SYTL2: variants seen among roughly 807,000 people sequenced by gnomAD.
SYTL2 encodes synaptotagmin like 2.
A neutral mutation model predicts 198.7 loss-of-function variants in SYTL2; 165 were observed. That is an observed-to-expected ratio of 0.83 (90% CI 0.73 to 0.94). The LOEUF is 0.94. SYTL2 is among the 40% of genes least tolerant of loss of function. The pLI is 0.00. For missense variants in SYTL2, 2,835 were observed against 2,582.8 expected, an observed-to-expected ratio of 1.10 and a Z score of -2.12; for synonymous variants, 966 against 917.7, an observed-to-expected ratio of 1.05 and a Z score of -0.95.
the SYTL2 span, among the ~76,000 whole-genome samples, chr11:85,846,188 G>A: frequency 2.6e-5 from 4 of 152,292 alleles, no homozygotes; most frequent in African/African-American, 7.2e-5. Flanking sequence ...TTGTCTCATA[G>A]GAGATAGACT....
chr11:85,833,690 A>G, the SYTL2 span, among the ~76,000 whole-genome samples: 1 of 151,124 alleles, frequency 6.6e-6, no homozygotes, highest in African/African-American at 2.4e-5. Context: ...AGTTAGTAAA[A>G]GCAAACTTTC....
intron 4 of SYTL2, among the ~76,000 whole-genome samples, chr11:85,742,502 T>A (rs1230300762): frequency 6.6e-6 from 1 of 152,214 alleles, no homozygotes; most frequent in Non-Finnish European, 1.5e-5. Flanking sequence ...GCACACAATG[T>A]GCTATCAGCA....
chr11:85,789,368 ATATATATATG>A (rs1373916859), intron 1 of SYTL2, among the ~76,000 whole-genome samples: 1,265 of 52,074 alleles, frequency 0.024, 22 homozygotes, highest in African/African-American at 0.072. Context: ...ATATATATAT[ATATATATATG>A]TATATATATA....
At chr11:85,836,703 A>G in the SYTL2 span, among the ~76,000 whole-genome samples, 7,248 of 152,116 alleles carry the variant, frequency 0.048, 281 homozygotes, top group South Asian at 0.093. Context: ...GAAAGAAAAC[A>G]TATTTCTAGC....
chr11:85,700,667 G>C, intron 16 of SYTL2, 74 bp from the exon 17 acceptor site: 4 of 1,096,190 alleles, frequency 3.6e-6, no homozygotes, highest in African/African-American at 1.5e-5. Flanking sequence ...TCTCATTACA[G>C]AACCATATCT....
At chr11:85,767,005 C>A (rs980676219) in intron 1 of SYTL2, among the ~76,000 whole-genome samples, 1 of 152,216 alleles carries the variant, frequency 6.6e-6, no homozygotes, top group Admixed American at 6.5e-5. Flanking sequence ...GCTTACTGAA[C>A]CAAACTCTTC....
In SYTL2 at chr11:85,727,211, G is replaced by T; in HGVS notation, c.2147C>A (p.Ser716Tyr). Residue 716 changes from serine to tyrosine, a missense_variant, in exon 8 of 20, where the codon TCT (serine) becomes TAT (tyrosine). Ser to Tyr is a moderately radical substitution (Grantham distance 144). Coordinates refer to ENST00000359152, the MANE Select transcript of SYTL2 (RefSeq NM_206927.4). Reference sequence around the variant, plus strand: ...ACCTGGTTCTTTGACAACTGTTGAAGAGTCAAAATTCACTTCTGAGTGTCC... The same window carrying T: ...ACCTGGTTCTTTGACAACTGTTGAATAGTCAAAATTCACTTCTGAGTGTCC... ...NRGHSEVNFD[S>Y]STVVKEPGLK... is the part of the protein sequence containing the mutation. The T allele has an allele frequency of 6.5e-7, 1 of 1,536,400 alleles. No individual in the cohort carries two copies. The highest frequency in any genetic ancestry group is 8.7e-7 in the Non-Finnish European group (1 of 1,146,968).
upstream of SYTL2, among the ~76,000 whole-genome samples, chr11:85,812,048 C>T (rs908742842): frequency 1.3e-5 from 2 of 152,030 alleles, no homozygotes; most frequent in Non-Finnish European, 2.9e-5. Context: ...TGGAGGCTGC[C>T]GTGAGCCAAG....
chr11:85,811,463 G>A (rs562164791), upstream of SYTL2, among the ~76,000 whole-genome samples: 134 of 152,290 alleles, frequency 8.8e-4, no homozygotes, highest in African/African-American at 3.2e-3. Flanking sequence ...ATCACGGCGC[G>A]TTAGGGGGCC....
At chr11:85,756,157 A>G (rs540592210) in intron 2 of SYTL2, among the ~76,000 whole-genome samples, 1 of 152,318 alleles carries the variant, frequency 6.6e-6, no homozygotes, top group South Asian at 2.1e-4. Context: ...AGGGCTTTAT[A>G]AACTGTCAAT....
In SYTL2 at chr11:85,725,175, C is replaced by T; in HGVS notation, c.4183G>A (p.Glu1395Lys). ...YPAGREVGPG[E>K]VNPEFPEAVQ... ...GCTTCAGGAAATTCTGGGTTCACTT[C>T]TCCAGGACCTACTTCCCTTCCAGCT... is the stretch of plus-strand genomic sequence containing the variant. The change falls in exon 8 of 20, where the codon GAA becomes AAA. Residue 1395 changes from glutamate to lysine, a missense_variant. Around this residue, in one of 3 missense-constraint regions of SYTL2, gnomAD observed 2,645 missense variants for 2,381.7 expected, o/e 1.11. Coordinates refer to ENST00000359152, the MANE Select transcript of SYTL2 (RefSeq NM_206927.4). 1 of 1,614,132 alleles carries T rather than the reference C, an allele frequency of 6.2e-7. No homozygotes were observed. Among genetic ancestry groups the T allele is most frequent in the Non-Finnish European group, 8.5e-7 (1 of 1,179,992 alleles).
the SYTL2 span, among the ~76,000 whole-genome samples, chr11:85,851,147 G>T: frequency 6.6e-6 from 1 of 151,898 alleles, no homozygotes; most frequent in Admixed American, 6.6e-5. Flanking sequence ...TGCACCATGT[G>T]CACATGTACC....
At chr11:85,794,098 G>A (rs2092769852) in intron 1 of SYTL2, among the ~76,000 whole-genome samples, 1 of 152,080 alleles carries the variant, frequency 6.6e-6, no homozygotes, top group South Asian at 2.1e-4. Context: ...TTGAACTCCT[G>A]GGCTCAAGCA....
chr11:85,745,291 T>A (rs1163210493), intron 4 of SYTL2, among the ~76,000 whole-genome samples: 4 of 152,208 alleles, frequency 2.6e-5, no homozygotes, highest in Non-Finnish European at 5.9e-5. Context: ...ATCTTTTCCC[T>A]GAAATGACTT....
intron 1 of SYTL2, among the ~76,000 whole-genome samples, chr11:85,799,607 T>C (rs2092854433): frequency 6.6e-6 from 1 of 152,178 alleles, no homozygotes; most frequent in Non-Finnish European, 1.5e-5. Context: ...CTGCCAGCCT[T>C]ACCTTGAACA....
At chr11:85,701,811 A>C (rs1440924872) in intron 16 of SYTL2, among the ~76,000 whole-genome samples, 1 of 152,244 alleles carries the variant, frequency 6.6e-6, no homozygotes, top group African/African-American at 2.4e-5. Flanking sequence ...ACAATTTAAA[A>C]GGTGGGATTT....
chr11:85,766,971 G>A (rs2092255368), intron 1 of SYTL2, among the ~76,000 whole-genome samples: 1 of 152,188 alleles, frequency 6.6e-6, no homozygotes, highest in African/African-American at 2.4e-5. Flanking sequence ...CTGATCAGCA[G>A]CAGATTCCCA....
the SYTL2 span, among the ~76,000 whole-genome samples, chr11:85,817,982 C>A: frequency 4.7e-5 from 7 of 148,046 alleles, no homozygotes; most frequent in Admixed American, 6.9e-5. Context: ...TGGCTCACTG[C>A]AACCTCTACC....
chr11:85,777,181 T>C (rs1350068459), intron 1 of SYTL2, among the ~76,000 whole-genome samples: 4 of 152,214 alleles, frequency 2.6e-5, no homozygotes, highest in African/African-American at 9.7e-5. Context: ...TTAGCATGTG[T>C]ATGCTCTGAG....
Sources: gnomAD v4.1 joint callset for allele counts (sites outside exome capture counted in the v4.1 genomes callset) on GRCh38, gnomAD v4.1.1 for gene constraint, gnomAD v4.1.1 regional missense constraint, MANE v1.5 for transcripts, NCBI Gene and HGNC (gene_info 2026-07-23, HGNC 2026-07-21) for gene names.